The following SEMA6D variants were observed in gnomAD, a reference collection of about 807,000 sequenced individuals.
The protein encoded by SEMA6D is semaphorin 6D, also known as semaphorin-6D.
SEMA6D carries 35 observed loss-of-function variants against 106.6 expected under a neutral mutation model. The ratio of observed to expected loss-of-function variants is 0.33; its 90% CI spans 0.25 to 0.44. SEMA6D has a LOEUF of 0.44. Among genes scored for constraint, SEMA6D ranks in the 20% least tolerant of loss-of-function variants. SEMA6D has a pLI of 1.00. For missense variants in SEMA6D, 1,185 were observed against 1,345.9 expected (o/e 0.88, Z 1.87); for synonymous variants, 499 against 487.7 (o/e 1.02, Z -0.31).
At chr15:47,642,741 T>C (rs950281733) in intron 4 of SEMA6D, among the ~76,000 whole-genome samples, 1 of 152,018 alleles carries the variant, frequency 6.6e-6, no homozygotes, top group African/African-American at 2.4e-5. Flanking sequence ...ATATGATGGC[T>C]GAGAAAAGAA....
intron 1 of SEMA6D, among the ~76,000 whole-genome samples, chr15:47,338,000 G>T (rs559300247): frequency 6.6e-6 from 1 of 152,292 alleles, no homozygotes; most frequent in East Asian, 1.9e-4. Context: ...GAGACTAAGA[G>T]TGAATGCAGC....
At chr15:47,480,603 A>G (rs1484808639) in intron 3 of SEMA6D, among the ~76,000 whole-genome samples, 1 of 151,804 alleles carries the variant, frequency 6.6e-6, no homozygotes, top group African/African-American at 2.4e-5. Flanking sequence ...TTCAAGATCT[A>G]CCTCACATGT....
intron 1 of SEMA6D, among the ~76,000 whole-genome samples, chr15:47,300,363 A>G (rs1012875857): frequency 1.3e-4 from 19 of 151,950 alleles, no homozygotes; most frequent in African/African-American, 4.6e-4. Flanking sequence ...TCAGTATAAA[A>G]GAATGCAGTC....
At chr15:47,403,405 A>G (rs281312) in intron 1 of SEMA6D, among the ~76,000 whole-genome samples, 89,465 of 152,012 alleles carry the variant, frequency 0.59, 27,288 homozygotes, top group Middle Eastern at 0.71. Flanking sequence ...TTAATGGAAT[A>G]TGAACAGGGT....
chr15:47,347,154 C>T (rs766112985), intron 1 of SEMA6D, among the ~76,000 whole-genome samples: 33 of 152,120 alleles, frequency 2.2e-4, no homozygotes, highest in Non-Finnish European at 3.5e-4. Flanking sequence ...GAGATCCGCC[C>T]GCCTCAGCCT....
At chr15:47,400,644 G>A (rs1157109248) in intron 1 of SEMA6D, among the ~76,000 whole-genome samples, 1 of 152,174 alleles carries the variant, frequency 6.6e-6, no homozygotes, top group African/African-American at 2.4e-5. Flanking sequence ...GGTTGAGAAT[G>A]CTCTGGAATT....
chr15:47,432,224 T>C (rs1032589336), intron 2 of SEMA6D, among the ~76,000 whole-genome samples: 1 of 152,052 alleles, frequency 6.6e-6, no homozygotes, highest in Non-Finnish European at 1.5e-5. Flanking sequence ...CATAAAACTA[T>C]GTAGATATGA....
intron 1 of SEMA6D, among the ~76,000 whole-genome samples, chr15:47,315,319 C>G (rs2036621951): frequency 6.6e-6 from 1 of 152,100 alleles, no homozygotes; most frequent in South Asian, 2.1e-4. Flanking sequence ...ATGTGGATGT[C>G]CAGTTGTTTC....
chr15:47,703,492 C>T (rs1281243938), intron 4 of SEMA6D, among the ~76,000 whole-genome samples: 7 of 152,040 alleles, frequency 4.6e-5, no homozygotes, highest in East Asian at 1.9e-4. Flanking sequence ...CAAACTTTCA[C>T]GTGCATCACT....
At chr15:47,343,718 CGT>C (rs907991582) in intron 1 of SEMA6D, among the ~76,000 whole-genome samples, 2 of 151,930 alleles carry the variant, frequency 1.3e-5, no homozygotes, top group Non-Finnish European at 2.9e-5. Context: ...AATAAACATA[CGT>C]GTGTGTGTGT....
chr15:47,279,805 T>C (rs1426960557), intron 1 of SEMA6D, among the ~76,000 whole-genome samples: 2 of 151,402 alleles, frequency 1.3e-5, no homozygotes, highest in African/African-American at 2.4e-5. Flanking sequence ...TTGTCTTTGG[T>C]TCTGTTTATA....
intron 3 of SEMA6D, among the ~76,000 whole-genome samples, chr15:47,504,865 T>C (rs772768662): frequency 3.9e-5 from 6 of 152,138 alleles, no homozygotes; most frequent in Non-Finnish European, 7.4e-5. Context: ...GCGGGAATCA[T>C]CTCCATAGTG....
intron 1 of SEMA6D, chr15:47,241,363 AC>A (rs2032895312): frequency 6.6e-6 from 1 of 152,160 alleles, no homozygotes; most frequent in Non-Finnish European, 1.5e-5. Flanking sequence ...GCATTTGCAG[AC>A]CTGTATGTAA....
chr15:47,311,264 C>G (rs186898440), intron 1 of SEMA6D, among the ~76,000 whole-genome samples: 74 of 152,214 alleles, frequency 4.9e-4, no homozygotes, highest in African/African-American at 1.7e-3. Flanking sequence ...ATTCGGTTGC[C>G]CATACACTCA....
At chr15:47,577,196 G>C (rs904352267) in intron 3 of SEMA6D, among the ~76,000 whole-genome samples, 1 of 152,170 alleles carries the variant, frequency 6.6e-6, no homozygotes, top group Admixed American at 6.5e-5. Flanking sequence ...ATATTTACTT[G>C]CATAATTTTC....
intron 3 of SEMA6D, among the ~76,000 whole-genome samples, chr15:47,512,575 A>G (rs1056120897): frequency 9.2e-5 from 14 of 152,170 alleles, no homozygotes; most frequent in African/African-American, 3.4e-4. Context: ...AAGGATTCCC[A>G]TTTTGCAGGC....
chr15:47,467,105 A>G (rs998853960), intron 2 of SEMA6D, among the ~76,000 whole-genome samples: 1 of 152,022 alleles, frequency 6.6e-6, no homozygotes, highest in African/African-American at 2.4e-5. Context: ...CTAACAGTAT[A>G]TAAGGGTTCC....
intron 1 of SEMA6D, among the ~76,000 whole-genome samples, chr15:47,747,168 T>G (rs2147217197): frequency 6.6e-6 from 1 of 152,238 alleles, no homozygotes; most frequent in African/African-American, 2.4e-5. Flanking sequence ...TCACTGTTAA[T>G]GAGGATTGTT....
rs529592057 is a variant in SEMA6D, at chr15:47,641,968, C to T, written c.-55+41072C>T. Among the ~76,000 whole-genome samples, 139 of 152,284 alleles carry T rather than the reference C, an allele frequency of 9.1e-4. No homozygotes were observed. The Middle Eastern group carries it at 0.02, about 22-fold the overall frequency. On this transcript the variant is annotated intron_variant, in intron 4 of 19. Coordinates refer to the SEMA6D transcript ENST00000558014. ...GTGCTTCACTTGGTTGCCTTGTCGG[C>T]CTCCCCTGCTAGCCTTGAGGGTTGT...
Sources: allele counts gnomAD v4.1 joint callset (sites outside exome capture counted in the v4.1 genomes callset), GRCh38; gene constraint gnomAD v4.1.1; transcripts MANE v1.5; gene names NCBI Gene and HGNC (gene_info 2026-07-23, HGNC 2026-07-21).